The following GABRB1 variants were observed in gnomAD, a reference collection of about 807,000 sequenced individuals.
GABRB1 encodes gamma-aminobutyric acid receptor subunit beta-1.
A neutral mutation model predicts 51.6 loss-of-function variants in GABRB1; 17 were observed. The observed-to-expected ratio is 0.33, with a 90% confidence interval of 0.23 to 0.49. The LOEUF (loss-of-function observed/expected upper bound fraction) is 0.49, where lower values mean the gene tolerates loss of function less well. Among genes scored for constraint, GABRB1 ranks in the 20% least tolerant of loss-of-function variants. The pLI, the probability that GABRB1 is intolerant of heterozygous loss-of-function variation, is 0.99. For missense variants in GABRB1, 410 were observed against 600.6 expected (o/e 0.68, Z 3.32); for synonymous variants, 247 against 218.9 (o/e 1.13, Z -1.14).
intron 1 of GABRB1, among the ~76,000 whole-genome samples, chr4:47,004,774 T>A (rs1025848223): frequency 5.3e-5 from 8 of 152,330 alleles, no homozygotes; most frequent in Middle Eastern, 3.4e-3. Context: ...CCAGAATTGG[T>A]TTTATTCTGT....
intron 5 of GABRB1, among the ~76,000 whole-genome samples, chr4:47,334,792 A>C (rs1038811105): frequency 6.6e-6 from 1 of 152,202 alleles, no homozygotes. Flanking sequence ...ATCTTTCTCA[A>C]CACAGAATTC....
chr4:47,068,953 C>T (rs1481617554), intron 3 of GABRB1, among the ~76,000 whole-genome samples: 2 of 152,176 alleles, frequency 1.3e-5, no homozygotes, highest in African/African-American at 2.4e-5. Flanking sequence ...CAACCCCTGG[C>T]TTTCTCCAAA....
chr4:47,126,456 T>C (rs1257989642), intron 3 of GABRB1, among the ~76,000 whole-genome samples: 1 of 152,182 alleles, frequency 6.6e-6, no homozygotes, highest in Non-Finnish European at 1.5e-5. Flanking sequence ...TGTGAGGTTA[T>C]AGAAATGTTA....
intron 1 of GABRB1, among the ~76,000 whole-genome samples, chr4:47,007,866 G>GTATATATATATATATATATA (rs1165939097): frequency 0.016 from 775 of 48,936 alleles, 32 homozygotes; most frequent in Middle Eastern, 0.029. Context: ...CTTGGAACTG[G>GTATATATATATATATATATA]TATATATATA....
chr4:47,160,185 A>G (rs1316906744), intron 3 of GABRB1, among the ~76,000 whole-genome samples: 2 of 152,154 alleles, frequency 1.3e-5, no homozygotes, highest in African/African-American at 2.4e-5. Flanking sequence ...AAGTAGAAAG[A>G]AAAAGTTCAG....
intron 5 of GABRB1, among the ~76,000 whole-genome samples, chr4:47,379,602 A>T (rs1284244562): frequency 6.6e-6 from 1 of 152,178 alleles, no homozygotes; most frequent in Non-Finnish European, 1.5e-5. Context: ...TATAAATTGA[A>T]AACCATCTGT....
At chr4:47,309,595 C>T (rs893683806) in intron 4 of GABRB1, among the ~76,000 whole-genome samples, 3 of 151,940 alleles carry the variant, frequency 2.0e-5, no homozygotes, top group Non-Finnish European at 4.4e-5. Flanking sequence ...CTCCCAATAG[C>T]TGAATTGTTA....
intron 5 of GABRB1, among the ~76,000 whole-genome samples, chr4:47,366,630 T>TA (rs35310319): frequency 0.4 from 59,054 of 149,168 alleles, 11,797 homozygotes; most frequent in African/African-American, 0.46. Flanking sequence ...GATGGGAAAA[T>TA]AAAAAAAAAA....
chr4:47,379,364 T>C (rs1341449142), intron 5 of GABRB1, among the ~76,000 whole-genome samples: 1 of 152,208 alleles, frequency 6.6e-6, no homozygotes, highest in Non-Finnish European at 1.5e-5. Flanking sequence ...CATTCAGTTT[T>C]TCATTTTCAG....
intron 3 of GABRB1, among the ~76,000 whole-genome samples, chr4:47,071,470 C>T (rs1727333442): frequency 1.3e-5 from 2 of 152,138 alleles, no homozygotes; most frequent in Admixed American, 6.5e-5. Flanking sequence ...CCATGCCTGC[C>T]TCCTTTCTGT....
At chr4:47,115,876 T>C (rs769766400) in intron 3 of GABRB1, among the ~76,000 whole-genome samples, 5 of 152,194 alleles carry the variant, frequency 3.3e-5, no homozygotes, top group Non-Finnish European at 7.4e-5. Context: ...GCAAACCACA[T>C]GGTACTGTGC....
chr4:47,149,304 A>T (rs1289357912), intron 3 of GABRB1, among the ~76,000 whole-genome samples: 1 of 152,038 alleles, frequency 6.6e-6, no homozygotes, highest in East Asian at 1.9e-4. Flanking sequence ...GTTCTGTAAC[A>T]TATTTTAGGC....
At chr4:46,998,427 G>A (rs775357184) in intron 1 of GABRB1, among the ~76,000 whole-genome samples, 1 of 152,014 alleles carries the variant, frequency 6.6e-6, no homozygotes, top group Non-Finnish European at 1.5e-5. Context: ...TTGAAAGTCT[G>A]AAGTTTTAAA....
chr4:47,237,968 C>T (rs1160255077), intron 4 of GABRB1, among the ~76,000 whole-genome samples: 1 of 151,794 alleles, frequency 6.6e-6, no homozygotes, highest in Non-Finnish European at 1.5e-5. Context: ...TTTATATAAA[C>T]AGTAATTAAT....
intron 3 of GABRB1, among the ~76,000 whole-genome samples, chr4:47,075,125 C>CAG (rs1463170946): frequency 6.6e-6 from 1 of 152,100 alleles, no homozygotes; most frequent in Non-Finnish European, 1.5e-5. Context: ...CAGTTGAAAT[C>CAG]AGAGAGAGCA....
chr4:47,390,801 A>C (rs1355310087), intron 5 of GABRB1, among the ~76,000 whole-genome samples: 1 of 152,196 alleles, frequency 6.6e-6, no homozygotes, highest in Non-Finnish European at 1.5e-5. Flanking sequence ...CTTTGAAATA[A>C]TAGTGTATTT....
At chr4:47,269,587 C>T (rs1722774032) in intron 4 of GABRB1, among the ~76,000 whole-genome samples, 1 of 152,076 alleles carries the variant, frequency 6.6e-6, no homozygotes, top group Non-Finnish European at 1.5e-5. Context: ...ACCTTATAGC[C>T]AGATGCACCT....
At chr4:47,053,972 C>T (rs1382537313) in intron 3 of GABRB1, among the ~76,000 whole-genome samples, 1 of 152,066 alleles carries the variant, frequency 6.6e-6, no homozygotes, top group Non-Finnish European at 1.5e-5. Flanking sequence ...TCTTTAAATA[C>T]CAGGATCACA....
chr4:47,075,892 AC>A (rs1727526492), intron 3 of GABRB1, among the ~76,000 whole-genome samples: 1 of 152,102 alleles, frequency 6.6e-6, no homozygotes, highest in Non-Finnish European at 1.5e-5. Flanking sequence ...GGCTACCTAG[AC>A]CCCTTTGGAG....
Sources: allele counts gnomAD v4.1 joint callset (sites outside exome capture counted in the v4.1 genomes callset), GRCh38; gene constraint gnomAD v4.1.1; transcripts MANE v1.5; gene names NCBI Gene and HGNC (gene_info 2026-07-23, HGNC 2026-07-21).